CPM: variants seen among roughly 807,000 people sequenced by gnomAD.
The protein encoded by CPM is renal carboxypeptidase.
A neutral mutation model predicts 46.4 loss-of-function variants in CPM; 35 were observed. The ratio of observed to expected loss-of-function variants is 0.75; its 90% confidence interval spans 0.58 to 1.00. The LOEUF (loss-of-function observed/expected upper bound fraction) is 1.00. Among genes scored for constraint, CPM ranks in the 50% least tolerant of loss-of-function variants. The probability of loss-of-function intolerance (pLI) is 0.00; values close to 1 mark genes in which losing one functional copy is unlikely to be tolerated. For missense variants in CPM, 422 were observed against 530.4 expected (o/e 0.80, Z 2.01); for synonymous variants, 195 against 195.3 (o/e 1.00, Z 0.01).
At chr12:68,894,408 G>T (rs1886783291) in intron 2 of CPM, among the ~76,000 whole-genome samples, 1 of 152,068 alleles carries the variant, frequency 6.6e-6, no homozygotes, top group South Asian at 2.1e-4. Flanking sequence ...ATAACATCCA[G>T]AGTCTTCCCT....
At position 68,954,923 on chromosome 12, in the gene CPM, G is replaced by A. The variant is rs140970409; in HGVS notation, c.-4+8246C>T. ...CTGCAGCAGAAGCCATGTGCAGTAC[G>A]TCTGGTCCAGCCACAGCCTCACATG... On this transcript the variant is annotated intron_variant, in intron 1 of 8. Coordinates refer to the CPM transcript ENST00000546373. Among the ~76,000 whole-genome samples, 226 of 152,278 alleles carry A rather than the reference G, an allele frequency of 1.5e-3. 1 individual carries two copies. Among genetic ancestry groups the A allele is most frequent in the Middle Eastern group, 0.01 (3 of 294 alleles).
chr12:68,867,041 C>T lies in CPM; in HGVS notation c.795G>A (p.Met265Ile), dbSNP rs755433068. Residue 265 changes from methionine to isoleucine, a missense_variant, in exon 7 of 9, where the codon ATG becomes ATA. Coordinates refer to ENST00000551568, the MANE Select transcript of CPM (RefSeq NM_198320.5). ...GYSWYPLQGG[M>I]QDYNYIWAQC... ...GGGCCCAGATGTAGTTGTAATCTTG[C>T]ATTCCACCTAAACACAAGCATATTT... 6.2e-7 allele frequency: 1 copy of T among 1,613,948 alleles called. No individual in the cohort carries two copies.
chr12:68,936,631 G>A (rs968028323), upstream of CPM, among the ~76,000 whole-genome samples: 1 of 152,140 alleles, frequency 6.6e-6, no homozygotes, highest in Non-Finnish European at 1.5e-5. Context: ...TTATCTGCCT[G>A]CCTCAGCCTC....
At position 68,873,204 on chromosome 12, in the gene CPM, T is replaced by G. The variant is rs147268370; in HGVS notation, c.259-1248A>C. Among the ~76,000 whole-genome samples, 378 of 152,238 alleles carry G rather than the reference T, an allele frequency of 2.5e-3. 2 individuals are homozygous for G. Among genetic ancestry groups the G allele is most frequent in the Non-Finnish European group, 4.7e-3 (320 of 68,012 alleles). ...CATGTAGACACTGTGCAAGAAAAGA[T>G]TTCATGGAGCCTCAGAAGAATTTCC... On this transcript the variant is annotated intron_variant, in intron 3 of 8. Transcript: ENST00000551568.
At chr12:68,950,056 A>C (rs1238448386) in intron 1 of CPM, among the ~76,000 whole-genome samples, 2 of 152,138 alleles carry the variant, frequency 1.3e-5, no homozygotes, top group African/African-American at 2.4e-5. Flanking sequence ...GGCCTTGTTC[A>C]CGTGCTCATG....
intron 1 of CPM, among the ~76,000 whole-genome samples, chr12:68,939,716 C>T (rs1245034237): frequency 2.0e-5 from 3 of 152,076 alleles, no homozygotes; most frequent in Admixed American, 2.0e-4. Context: ...TCATATTTTG[C>T]TTTCCAAGTT....
intron 2 of CPM, among the ~76,000 whole-genome samples, chr12:68,888,671 CA>C (rs1274725428): frequency 1.1e-4 from 16 of 152,208 alleles, no homozygotes; most frequent in Admixed American, 2.6e-4. Flanking sequence ...CCTTTATTCC[CA>C]AAAGTTCCTG....
rs567274024 is a variant in CPM, at chr12:68,881,137, G to A, written c.258+4655C>T. Among the ~76,000 whole-genome samples the A allele has an allele frequency of 2.2e-3, 336 of 152,304 alleles. 1 individual carries two copies. The highest frequency in any genetic ancestry group is 3.4e-3 in the Non-Finnish European group (228 of 68,014). On this transcript the variant is annotated intron_variant, in intron 3 of 8. Transcript: ENST00000551568. ...TGAGTGTAGCCAGGTGAATTAGCCTGAACCCTCAGCATCAATCAAATGAAC... is the reference window on the plus strand; with the variant it reads ...TGAGTGTAGCCAGGTGAATTAGCCTAAACCCTCAGCATCAATCAAATGAAC...
At chr12:68,913,132 AC>A (rs1887666520) in intron 2 of CPM, among the ~76,000 whole-genome samples, 9 of 152,154 alleles carry the variant, frequency 5.9e-5, no homozygotes, top group Non-Finnish European at 1.3e-4. Flanking sequence ...TGTCTAGTGT[AC>A]AGTCTTCCTC....
At chr12:68,954,009 T>G (rs1215361191) in intron 1 of CPM, among the ~76,000 whole-genome samples, 1 of 152,176 alleles carries the variant, frequency 6.6e-6, no homozygotes, top group African/African-American at 2.4e-5. Context: ...TTTGTTAGGC[T>G]TTTTTTACAA....
chr12:68,922,474 T>C (rs1328559138), intron 2 of CPM, among the ~76,000 whole-genome samples: 1 of 152,258 alleles, frequency 6.6e-6, no homozygotes, highest in Non-Finnish European at 1.5e-5. Context: ...TCCTGAATTC[T>C]GTGATAGACT....
Position 68,856,464 on chromosome 12 carries a change from C to T in CPM, c.1305G>A (p.Val435=). The part of the protein sequence containing the change: ...ATKPSLFLFL[V]SLLHIFFK ...ATTTGAAGAATATGTGCAAAAGACT[C>T]ACTAAAAATAAGAACAAACTAGGCT... is the stretch of plus-strand genomic sequence containing the variant. The change falls in exon 9 of 9, where the codon GTG becomes GTA. Residue 435 remains valine, a synonymous_variant. Coordinates refer to ENST00000551568, the MANE Select transcript of CPM (RefSeq NM_198320.5). The T allele has an allele frequency of 6.2e-7, 1 of 1,614,044 alleles. No homozygotes were observed. The highest frequency in any genetic ancestry group is 1.6e-4 in the Middle Eastern group (1 of 6,062).
At position 68,866,998 on chromosome 12, in the gene CPM, A is replaced by T. The variant is rs556887389; in HGVS notation, c.838T>A (p.Leu280Met). 2.5e-6 allele frequency: 4 copies of T among 1,614,172 alleles called. No individual in the cohort carries two copies. Among genetic ancestry groups the T allele is most frequent in the Non-Finnish European group, 3.4e-6 (4 of 1,180,004 alleles). Reference protein sequence around the residue: ...YIWAQCFEITLELSCCKYPRE... With the variant: ...YIWAQCFEITMELSCCKYPRE... ...GGATATTTACAGCATGACAGCTCCA[A>T]CGTAATTTCAAAACACTGGGCCCAG... The change falls in exon 7 of 9, where the codon TTG (leucine) becomes ATG (methionine). Residue 280 changes from leucine (L) to methionine (M), a missense_variant. Transcript: ENST00000551568.
intron 2 of CPM, among the ~76,000 whole-genome samples, chr12:68,912,926 G>C (rs1412966574): frequency 6.6e-6 from 1 of 152,158 alleles, no homozygotes; most frequent in Admixed American, 6.5e-5. Flanking sequence ...ACAGGGAAAA[G>C]CCTTCCCCTC....
At chr12:68,934,267 C>T (rs1314785253), upstream of CPM, among the ~76,000 whole-genome samples, 1 of 152,116 alleles carries the variant, frequency 6.6e-6, no homozygotes, top group Non-Finnish European at 1.5e-5. Context: ...ACTAAAAATA[C>T]GGATGCAAGC....
At chr12:68,892,588 G>A (rs1886700835) in intron 2 of CPM, among the ~76,000 whole-genome samples, 1 of 152,100 alleles carries the variant, frequency 6.6e-6, no homozygotes, top group South Asian at 2.1e-4. Context: ...GGCCGGGCGT[G>A]GTGGCTCACA....
intron 2 of CPM, among the ~76,000 whole-genome samples, chr12:68,892,821 C>T (rs1008701283): frequency 6.6e-5 from 10 of 151,894 alleles, no homozygotes; most frequent in African/African-American, 2.4e-4. Flanking sequence ...TCAGCCTGGG[C>T]AACAAAAGCA....
chr12:68,870,341 T>G lies in CPM; in HGVS notation c.490A>C (p.Asn164His). The G allele has an allele frequency of 6.2e-7, 1 of 1,614,216 alleles. No individual in the cohort carries two copies. The highest frequency in any genetic ancestry group is 8.5e-7 in the Non-Finnish European group (1 of 1,180,024). ...RNFPDAFEYN[N>H]VSRQPETVAV... ...ACAGTTTCAGGCTGCCTTGAGACATTATTATATTCAAAAGCATCGGGGAAA... is the reference window on the plus strand; with the variant it reads ...ACAGTTTCAGGCTGCCTTGAGACATGATTATATTCAAAAGCATCGGGGAAA... Residue 164 changes from asparagine to histidine, a missense_variant, in exon 5 of 9, where the codon AAT (asparagine) becomes CAT (histidine). Physicochemically the swap from Asn to His is moderately conservative, Grantham distance 68. Coordinates refer to ENST00000551568, the MANE Select transcript of CPM (RefSeq NM_198320.5).
At chr12:68,939,225 C>T (rs1888722868) in intron 1 of CPM, among the ~76,000 whole-genome samples, 1 of 145,298 alleles carries the variant, frequency 6.9e-6, no homozygotes, top group African/African-American at 2.5e-5. Flanking sequence ...GATGTCTATA[C>T]ATATAGACAT....
Sources: allele counts gnomAD v4.1 joint callset (sites outside exome capture counted in the v4.1 genomes callset), GRCh38; gene constraint gnomAD v4.1.1; transcripts MANE v1.5; gene names NCBI Gene and HGNC (gene_info 2026-07-23, HGNC 2026-07-21).